EPHA6: variants seen among roughly 807,000 people sequenced by gnomAD.
EPHA6 encodes the protein ephrin type-A receptor 6.
Under a neutral mutation model 112.0 loss-of-function variants are expected in EPHA6, and 50 were observed. The ratio of observed to expected loss-of-function variants is 0.45; its 90% CI spans 0.36 to 0.56. EPHA6 has a LOEUF of 0.56. Ranked by LOEUF, EPHA6 falls within the 20% of genes least tolerant of loss-of-function variation. The pLI, the probability that EPHA6 is intolerant of heterozygous loss-of-function variation, is 0.00. For missense variants in EPHA6, 1,280 were observed against 1,417.4 expected (o/e 0.90, Z 1.56); for synonymous variants, 529 against 490.7 (o/e 1.08, Z -1.03).
chr3:97,446,783 A>G (rs777361328), intron 6 of EPHA6, among the ~76,000 whole-genome samples: 2 of 152,132 alleles, frequency 1.3e-5, no homozygotes, highest in Non-Finnish European at 2.9e-5. Context: ...TTTCTCCACA[A>G]TATGTGTTTT....
chr3:97,447,324 G>C (rs978656746), intron 6 of EPHA6, among the ~76,000 whole-genome samples: 1 of 151,956 alleles, frequency 6.6e-6, no homozygotes, highest in Non-Finnish European at 1.5e-5. Flanking sequence ...AAATAACAGT[G>C]GTTTTCAGGC....
At chr3:97,700,024 T>C (rs2033283260) in intron 14 of EPHA6, among the ~76,000 whole-genome samples, 1 of 152,130 alleles carries the variant, frequency 6.6e-6, no homozygotes, top group Non-Finnish European at 1.5e-5. Flanking sequence ...GGAGGGAAAA[T>C]GGAAGTTTAG....
chr3:97,247,932 G>A (rs558689722), intron 5 of EPHA6, among the ~76,000 whole-genome samples: 1 of 152,012 alleles, frequency 6.6e-6, no homozygotes, highest in Admixed American at 6.6e-5. Flanking sequence ...GCACATTGTG[G>A]AACATGAAGA....
chr3:97,760,227 T>C lies in EPHA6; in HGVS notation c.*11526T>C, dbSNP rs1047313751. On this transcript the variant is annotated 3_prime_UTR_variant, in exon 18 of 18. Coordinates refer to ENST00000389672, the MANE Select transcript of EPHA6 (RefSeq NM_001080448.3). The stretch of plus-strand genomic sequence containing the variant: ...TTTCATATAGGAAAACAATGCCTTC[T>C]GTCATTTACGGAAAACACATGGGCA... The C allele has an allele frequency of 7.8e-5, 14 of 178,962 alleles. No individual in the cohort carries two copies. The Admixed American group carries it at 8.3e-4, about 11-fold the overall frequency. 11.1% of individuals were successfully genotyped at this position (178,962 alleles called of 1,614,324 possible).
At chr3:97,619,440 G>GA (rs2093794974) in intron 13 of EPHA6, among the ~76,000 whole-genome samples, 1 of 148,660 alleles carries the variant, frequency 6.7e-6, no homozygotes, top group South Asian at 2.2e-4. Flanking sequence ...AAAAGGGGGG[G>GA]GGGGGCATCC....
chr3:97,571,979 G>T (rs1203126463), intron 11 of EPHA6, among the ~76,000 whole-genome samples: 4 of 151,930 alleles, frequency 2.6e-5, no homozygotes, highest in Admixed American at 6.6e-5. Context: ...AAACCATAAG[G>T]TTATTTTGAT....
chr3:97,280,686 A>T (rs1005627638), intron 5 of EPHA6, among the ~76,000 whole-genome samples: 5 of 152,170 alleles, frequency 3.3e-5, no homozygotes, highest in African/African-American at 1.2e-4. Context: ...CATTTTTAAA[A>T]CTATTTTCAT....
intron 1 of EPHA6, among the ~76,000 whole-genome samples, chr3:96,843,787 C>T (rs928710884): frequency 2.0e-5 from 3 of 151,842 alleles, no homozygotes; most frequent in Non-Finnish European, 4.4e-5. Context: ...GTTTATATGA[C>T]GCCTTAAAGA....
Position 96,937,177 on chromosome 3 carries a change from A to C in EPHA6, c.451-50153A>C, listed in dbSNP as rs191563229. The stretch of plus-strand genomic sequence containing the variant: ...ATTTCTAGTTCTAGATCCCTGAGGA[A>C]TCGCCACACTGACTTCCACAATGGT... On this transcript the variant is annotated intron_variant, in intron 2 of 17. Transcript: ENST00000389672. Among the ~76,000 whole-genome samples, 210 of 152,326 alleles carry C rather than the reference A, an allele frequency of 1.4e-3. 2 individuals are homozygous for C. The East Asian group carries it at 0.027, about 19-fold the overall frequency.
intron 5 of EPHA6, among the ~76,000 whole-genome samples, chr3:97,376,064 G>C (rs2085331876): frequency 2.0e-5 from 3 of 151,948 alleles, no homozygotes; most frequent in Non-Finnish European, 4.4e-5. Context: ...TACCATAAAA[G>C]CCCTTACTAC....
At chr3:97,489,219 A>C (rs2091773399) in intron 10 of EPHA6, among the ~76,000 whole-genome samples, 1 of 152,244 alleles carries the variant, frequency 6.6e-6, no homozygotes, top group Non-Finnish European at 1.5e-5. Context: ...CCCTCAATAT[A>C]CTTTGTGATA....
In EPHA6 at chr3:97,658,877, G is replaced by A. The variant is rs138960380; in HGVS notation, c.2784+20795G>A. Among the ~76,000 whole-genome samples, 9 of 152,060 alleles carry A rather than the reference G, an allele frequency of 5.9e-5. No individual in the cohort carries two copies. In the East Asian group the frequency reaches 1.7e-3, roughly 29 times the overall value. On this transcript the variant is annotated intron_variant, in intron 14 of 17. Coordinates refer to ENST00000389672, the MANE Select transcript of EPHA6 (RefSeq NM_001080448.3). Reference sequence around the variant, plus strand: ...ATTTGTATAGGTGTGCCCTCTTGTGGTGAATGAATGGAACCCAGGACATTT... The same window carrying A: ...ATTTGTATAGGTGTGCCCTCTTGTGATGAATGAATGGAACCCAGGACATTT...
chr3:97,314,842 G>A (rs747131402), intron 5 of EPHA6, among the ~76,000 whole-genome samples: 58 of 151,592 alleles, frequency 3.8e-4, no homozygotes, highest in Non-Finnish European at 6.9e-4. Flanking sequence ...ACACATACTA[G>A]TCATCAATAT....
At chr3:97,715,171 G>T (rs375499518) in intron 14 of EPHA6, among the ~76,000 whole-genome samples, 2 of 152,122 alleles carry the variant, frequency 1.3e-5, no homozygotes, top group African/African-American at 4.8e-5. Flanking sequence ...CACGGTCTTG[G>T]TACCCACTCG....
intron 5 of EPHA6, among the ~76,000 whole-genome samples, chr3:97,314,337 G>T (rs2081707444): frequency 1.3e-5 from 2 of 151,510 alleles, no homozygotes; most frequent in Non-Finnish European, 3.0e-5. Context: ...GATTGCTTTG[G>T]CTATTTGGAG....
chr3:97,358,099 A>G (rs1160429290), intron 5 of EPHA6, among the ~76,000 whole-genome samples: 3 of 152,158 alleles, frequency 2.0e-5, no homozygotes, highest in African/African-American at 7.2e-5. Context: ...TCAAGGGTCA[A>G]CTGTACCTCT....
intron 5 of EPHA6, among the ~76,000 whole-genome samples, chr3:97,380,963 A>G (rs547769469): frequency 4.6e-5 from 7 of 152,072 alleles, no homozygotes; most frequent in Non-Finnish European, 1.0e-4. Flanking sequence ...TTTCTCTCAT[A>G]TAGATGCTTT....
intron 2 of EPHA6, among the ~76,000 whole-genome samples, chr3:96,910,102 G>A (rs143967096): frequency 8.0e-4 from 121 of 152,006 alleles, no homozygotes; most frequent in African/African-American, 2.6e-3. Context: ...GTTGTACATC[G>A]TTCATAAATG....
rs187450872 is a variant in EPHA6, at chr3:97,169,333, A to C, written c.1115-56931A>C. 2.0e-3 allele frequency among the ~76,000 whole-genome samples: 308 copies of C among 152,304 alleles called. 1 individual carries two copies. The highest frequency in any genetic ancestry group is 1.9e-3 in the Non-Finnish European group (129 of 68,028). On this transcript the variant is annotated intron_variant, in intron 3 of 17. Transcript: ENST00000389672. ...GTAGTTTAGCTAAGACACAAGATAC[A>C]ATAGCAGGTTCTCCACTTTGATTTC...
Sources: gnomAD v4.1 joint callset for allele counts (sites outside exome capture counted in the v4.1 genomes callset) on GRCh38, gnomAD v4.1.1 for gene constraint, MANE v1.5 for transcripts, NCBI Gene and HGNC (gene_info 2026-07-23, HGNC 2026-07-21) for gene names.